The following GLIS1 variants were observed in gnomAD, a reference collection of about 807,000 sequenced individuals.
GLIS1 encodes GLIS family zinc finger 1, also known as zinc finger protein GLIS1.
GLIS1 carries 24 observed loss-of-function variants against 63.8 expected under a neutral mutation model. That is an observed-to-expected ratio of 0.38 (90% confidence interval 0.27 to 0.53). GLIS1 has a LOEUF of 0.53. GLIS1 is among the 20% of genes least tolerant of loss of function. GLIS1 has a pLI of 0.85. For synonymous variants in GLIS1, 450 were observed against 482.5 expected (o/e 0.93, Z 0.88); for missense variants, 1,036 against 1,074.1 (o/e 0.96, Z 0.50).
At position 53,564,279 on chromosome 1, in the gene GLIS1, C is replaced by G. The variant is rs1207475819; in HGVS notation, c.1320+29829G>C. Among the ~76,000 whole-genome samples the G allele has an allele frequency of 2.0e-5, 3 of 152,004 alleles. No individual in the cohort carries two copies. In the East Asian group the frequency reaches 5.8e-4, roughly 29 times the overall value. On this transcript the variant is annotated intron_variant, in intron 4 of 10. Transcript: ENST00000628545. ...GGAGTTAAGGTATTAATGTCAGACT[C>G]TTTTAGGTTAAGAATTCATAGGTAA...
At chr1:53,681,020 T>C (rs1646269655) in intron 2 of GLIS1, among the ~76,000 whole-genome samples, 1 of 152,204 alleles carries the variant, frequency 6.6e-6, no homozygotes, top group Non-Finnish European at 1.5e-5. Flanking sequence ...TGGGTCAATG[T>C]TTCCAGGGCC....
chr1:53,559,350 G>A lies in GLIS1; in HGVS notation c.1321-29398C>T, dbSNP rs948129456. On this transcript the variant is annotated intron_variant, in intron 4 of 10. Transcript: ENST00000628545. The stretch of plus-strand genomic sequence containing the variant: ...AGGCTACAATCCCACTGGGCCACTC[G>A]TTCAATCCCAGCACTGTCCCGGGGT... Among the ~76,000 whole-genome samples, 4 of 152,238 alleles carry A rather than the reference G, an allele frequency of 2.6e-5. 1 individual carries two copies.
intron 2 of GLIS1, among the ~76,000 whole-genome samples, chr1:53,678,055 G>A (rs1646233224): frequency 6.6e-6 from 1 of 152,066 alleles, no homozygotes; most frequent in South Asian, 2.1e-4. Flanking sequence ...ACAGTTCCCT[G>A]GCACCACCGG....
At chr1:53,563,793 A>G (rs1455752825) in intron 4 of GLIS1, among the ~76,000 whole-genome samples, 1 of 152,234 alleles carries the variant, frequency 6.6e-6, no homozygotes, top group Non-Finnish European at 1.5e-5. Flanking sequence ...GAAGAACTTA[A>G]AAGCAATAGA....
intron 2 of GLIS1, among the ~76,000 whole-genome samples, chr1:53,647,490 A>C (rs2100313606): frequency 6.6e-6 from 1 of 152,344 alleles, no homozygotes; most frequent in South Asian, 2.1e-4. Context: ...TCGGATTTCT[A>C]TACAATGTCG....
intron 2 of GLIS1, among the ~76,000 whole-genome samples, chr1:53,722,344 G>A (rs945648904): frequency 6.6e-6 from 1 of 152,130 alleles, no homozygotes; most frequent in African/African-American, 2.4e-5. Context: ...TAGCTTTACT[G>A]GGGGAAAGCT....
intron 2 of GLIS1, among the ~76,000 whole-genome samples, chr1:53,643,205 T>C (rs1569973310): frequency 6.6e-6 from 1 of 152,342 alleles, no homozygotes; most frequent in Middle Eastern, 3.4e-3. Flanking sequence ...GACACTTTAT[T>C]ATCCAGGCCA....
chr1:53,697,894 G>T (rs982729171), intron 2 of GLIS1, among the ~76,000 whole-genome samples: 2 of 152,164 alleles, frequency 1.3e-5, no homozygotes, highest in African/African-American at 4.8e-5. Context: ...AGAGCCAGTG[G>T]TTCTAACCGC....
rs796829669 is a variant in GLIS1 at position 53,721,194 on chromosome 1, C to G, written c.259+16612G>C. Among the ~76,000 whole-genome samples the G allele has an allele frequency of 2.0e-5, 3 of 151,632 alleles. No homozygotes were observed. In the South Asian group the frequency reaches 6.3e-4, roughly 32 times the overall value. On this transcript the variant is annotated intron_variant, in intron 2 of 10. Transcript: ENST00000628545. The stretch of plus-strand genomic sequence containing the variant: ...AATCTTCATCTATCATAATAGGAAG[C>G]CAGTAGACAGTAAGTATACTTGATC...
At chr1:53,557,592 G>A (rs1644846930) in intron 4 of GLIS1, among the ~76,000 whole-genome samples, 1 of 152,180 alleles carries the variant, frequency 6.6e-6, no homozygotes, top group Admixed American at 6.5e-5. Flanking sequence ...GGCCGGCTGG[G>A]GAAGAGCCTG....
At chr1:53,520,351 C>T (rs190437348) in intron 7 of GLIS1, among the ~76,000 whole-genome samples, 12 of 152,274 alleles carry the variant, frequency 7.9e-5, no homozygotes, top group Admixed American at 3.9e-4. Flanking sequence ...AGGCCCCATA[C>T]ACCTTGAAGG....
intron 2 of GLIS1, among the ~76,000 whole-genome samples, chr1:53,665,043 T>G (rs1406893755): frequency 2.0e-5 from 3 of 152,040 alleles, no homozygotes; most frequent in African/African-American, 7.2e-5. Flanking sequence ...GCTTTCAATT[T>G]TGTGAGATCG....
intron 7 of GLIS1, 30 bp downstream of exon 7, chr1:53,520,604 G>C: frequency 6.3e-7 from 1 of 1,578,246 alleles, no homozygotes; most frequent in Non-Finnish European, 8.6e-7. Context: ...CCTGGGCTAC[G>C]CCCCTGGCCC....
intron 2 of GLIS1, among the ~76,000 whole-genome samples, chr1:53,634,373 T>C (rs905833502): frequency 2.0e-5 from 3 of 152,136 alleles, no homozygotes; most frequent in Non-Finnish European, 4.4e-5. Context: ...GGCTAAACCC[T>C]GAGCTCGCCA....
chr1:53,673,872 T>C (rs1486030430), intron 2 of GLIS1, among the ~76,000 whole-genome samples: 1 of 152,174 alleles, frequency 6.6e-6, no homozygotes, highest in East Asian at 1.9e-4. Flanking sequence ...ATCAGGGTTA[T>C]GGTTAAGAAT....
At chr1:53,604,110 G>A (rs1264931446) in intron 2 of GLIS1, among the ~76,000 whole-genome samples, 1 of 152,236 alleles carries the variant, frequency 6.6e-6, no homozygotes, top group Non-Finnish European at 1.5e-5. Flanking sequence ...CATTTGGCAT[G>A]AGGCCTAGCT....
chr1:53,553,520 C>T (rs1448649592), intron 4 of GLIS1, among the ~76,000 whole-genome samples: 1 of 152,212 alleles, frequency 6.6e-6, no homozygotes, highest in African/African-American at 2.4e-5. Context: ...TTGGTGCTTG[C>T]ACAGCTCACC....
In GLIS1 at chr1:53,594,171, G is replaced by A. The variant is rs142216816; in HGVS notation, c.1257C>T (p.Asn419=). 4.6e-4 allele frequency: 736 copies of A among 1,613,950 alleles called. 7 individuals are homozygous for A. In the African/African-American group the frequency reaches 8.2e-3, roughly 18 times the overall value. ...AGCVRRYKPF[N]ARYKLLIHMR... ...TGTGGATGAGCAGCTTGTAGCGGGC[G>A]TTGAAGGGCTTGTAGCGGCGCACGC... Residue 419 remains asparagine, a synonymous_variant, in exon 4 of 11, where the codon AAC becomes AAT. Transcript: ENST00000628545.
At chr1:53,644,455 C>T (rs1175042146) in intron 2 of GLIS1, among the ~76,000 whole-genome samples, 1 of 152,174 alleles carries the variant, frequency 6.6e-6, no homozygotes, top group Non-Finnish European at 1.5e-5. Flanking sequence ...AGACAAAAAT[C>T]CCTGCCCTCC....
Sources: gnomAD v4.1 joint callset for allele counts (sites outside exome capture counted in the v4.1 genomes callset) on GRCh38, gnomAD v4.1.1 for gene constraint, MANE v1.5 for transcripts, NCBI Gene and HGNC (gene_info 2026-07-23, HGNC 2026-07-21) for gene names.